The following COL25A1 variants were observed in gnomAD, a reference collection of about 807,000 sequenced individuals.
COL25A1 encodes collagen alpha-1(XXV) chain.
Under a neutral mutation model 128.4 loss-of-function variants are expected in COL25A1, and 103 were observed. The observed-to-expected ratio is 0.80, with a 90% confidence interval of 0.68 to 0.94. The LOEUF is 0.94. Among genes scored for constraint, COL25A1 ranks in the 40% least tolerant of loss-of-function variants. The pLI is 0.00. For synonymous variants in COL25A1, 279 were observed against 277.2 expected (o/e 1.01, Z -0.06); for missense variants, 745 against 840.0 (o/e 0.89, Z 1.40).
intron 3 of COL25A1, among the ~76,000 whole-genome samples, chr4:109,136,940 T>G (rs1232272858): frequency 1.3e-5 from 2 of 152,230 alleles, no homozygotes; most frequent in Non-Finnish European, 2.9e-5. Flanking sequence ...CACATGTTCT[T>G]TGAGCCGACA....
intron 3 of COL25A1, among the ~76,000 whole-genome samples, chr4:109,238,115 T>C (rs1176181400): frequency 6.6e-6 from 1 of 152,094 alleles, no homozygotes; most frequent in Non-Finnish European, 1.5e-5. Context: ...TATGTTGCTG[T>C]GAACGTGGGT....
At chr4:109,088,926 T>C (rs2126005374) in intron 3 of COL25A1, among the ~76,000 whole-genome samples, 1 of 152,330 alleles carries the variant, frequency 6.6e-6, no homozygotes, top group African/African-American at 2.4e-5. Flanking sequence ...TGTGGTACCC[T>C]CTTCTCTTAG....
At chr4:109,052,918 T>G (rs748123035) in intron 3 of COL25A1, among the ~76,000 whole-genome samples, 1 of 152,182 alleles carries the variant, frequency 6.6e-6, no homozygotes. Flanking sequence ...ATGAGCTGTA[T>G]GAACACATAC....
chr4:109,101,669 T>G (rs893322024), intron 3 of COL25A1, among the ~76,000 whole-genome samples: 2 of 152,222 alleles, frequency 1.3e-5, no homozygotes, highest in Non-Finnish European at 2.9e-5. Context: ...TGAACTCATC[T>G]ATTGCTTTTC....
At chr4:109,109,763 C>G (rs918286893) in intron 3 of COL25A1, among the ~76,000 whole-genome samples, 1 of 152,160 alleles carries the variant, frequency 6.6e-6, no homozygotes, top group Non-Finnish European at 1.5e-5. Context: ...GACTGGCTAT[C>G]TTGCTCCCTA....
intron 13 of COL25A1, among the ~76,000 whole-genome samples, chr4:108,914,142 T>TATGAAAAC: frequency 6.6e-6 from 1 of 152,294 alleles, no homozygotes; most frequent in African/African-American, 2.4e-5. Context: ...AAGTCCAAAT[T>TATGAAAAC]ATGAAAACAT....
intron 27 of COL25A1, among the ~76,000 whole-genome samples, chr4:108,846,982 T>G (rs1160690542): frequency 1.3e-5 from 2 of 150,140 alleles, no homozygotes; most frequent in African/African-American, 4.9e-5. Context: ...CTTGGCTCAC[T>G]GCAACCTCCG....
intron 6 of COL25A1, among the ~76,000 whole-genome samples, chr4:109,002,970 CAA>C (rs1755597940): frequency 6.6e-6 from 1 of 152,066 alleles, no homozygotes; most frequent in African/African-American, 2.4e-5. Context: ...TGATGTTCCC[CAA>C]CCTGTGTCCA....
chr4:108,824,584 C>G (rs546219462), intron 34 of COL25A1, among the ~76,000 whole-genome samples: 1 of 152,290 alleles, frequency 6.6e-6, no homozygotes, highest in South Asian at 2.1e-4. Flanking sequence ...ATCTACCAGA[C>G]AGCTGTTGTG....
intron 3 of COL25A1, among the ~76,000 whole-genome samples, chr4:109,268,900 C>T (rs1467380852): frequency 2.0e-5 from 3 of 152,210 alleles, no homozygotes; most frequent in South Asian, 2.1e-4. Flanking sequence ...TGTTACCATC[C>T]TTCCACCCAT....
intron 3 of COL25A1, among the ~76,000 whole-genome samples, chr4:109,158,164 G>A (rs192788883): frequency 6.8e-4 from 104 of 152,148 alleles, no homozygotes; most frequent in Admixed American, 3.6e-3. Context: ...CCAGCCTATG[G>A]AGAGTTATGA....
At chr4:109,152,040 C>T (rs2126103394) in intron 3 of COL25A1, among the ~76,000 whole-genome samples, 1 of 150,954 alleles carries the variant, frequency 6.6e-6, no homozygotes, top group East Asian at 1.9e-4. Flanking sequence ...AGTACAACTT[C>T]AATTCTTCAG....
At chr4:109,133,632 A>G (rs1438111682) in intron 3 of COL25A1, among the ~76,000 whole-genome samples, 1 of 152,206 alleles carries the variant, frequency 6.6e-6, no homozygotes, top group Non-Finnish European at 1.5e-5. Context: ...AATGTAAGAT[A>G]TATAGCAGCA....
chr4:108,890,214 A>G (rs886862775), intron 16 of COL25A1, among the ~76,000 whole-genome samples: 13 of 152,204 alleles, frequency 8.5e-5, no homozygotes, highest in African/African-American at 3.1e-4. Context: ...AGATGAAGTC[A>G]GAGGTTAATG....
intron 11 of COL25A1, among the ~76,000 whole-genome samples, chr4:108,935,356 G>C (rs1747276515): frequency 6.6e-6 from 1 of 152,136 alleles, no homozygotes; most frequent in African/African-American, 2.4e-5. Context: ...TAATGTCCTT[G>C]TTCTTGATCT....
rs1397878865 is a variant in COL25A1, at chr4:109,042,906, C to T, written c.420+5262G>A. Among the ~76,000 whole-genome samples the T allele has an allele frequency of 4.6e-5, 7 of 152,044 alleles. 1 individual carries two copies. The highest frequency in any genetic ancestry group is 8.8e-5 in the Non-Finnish European group (6 of 67,978). On this transcript the variant is annotated intron_variant, in intron 5 of 37. Coordinates refer to ENST00000399132, the MANE Select transcript of COL25A1 (RefSeq NM_198721.4). ...TGTAAGATCTACAAATAACTAACAG[C>T]TTAATATGAACCATACACGATGAGG...
chr4:108,959,391 A>C (rs1443231994), intron 8 of COL25A1, among the ~76,000 whole-genome samples: 1 of 152,122 alleles, frequency 6.6e-6, no homozygotes, highest in Non-Finnish European at 1.5e-5. Flanking sequence ...TGCAGCCTCT[A>C]ATCTGCTCCT....
chr4:109,084,001 T>C (rs576774678), intron 3 of COL25A1, among the ~76,000 whole-genome samples: 1 of 152,220 alleles, frequency 6.6e-6, no homozygotes, highest in Non-Finnish European at 1.5e-5. Flanking sequence ...CATTTTGTTT[T>C]GTTTTAAGAA....
chr4:108,941,378 G>A lies in COL25A1; in HGVS notation c.552C>T (p.Arg184=), dbSNP rs776498551. The change falls in exon 9 of 38, where the codon CGC becomes CGT. Residue 184 remains arginine, a synonymous_variant. Coordinates refer to ENST00000399132, the MANE Select transcript of COL25A1 (RefSeq NM_198721.4). ...FLSADQQLIK[R]RLIKGDQGQA... is the part of the protein sequence containing the mutation. ...GAATAAGCACTACCTTAATCAGGCG[G>A]CGTTTAATGAGCTGCTGATCAGCAG... 3.1e-6 allele frequency: 5 copies of A among 1,613,580 alleles called. No individual in the cohort carries two copies. The highest frequency in any genetic ancestry group is 4.2e-6 in the Non-Finnish European group (5 of 1,179,552).
Sources: allele counts gnomAD v4.1 joint callset (sites outside exome capture counted in the v4.1 genomes callset), GRCh38; gene constraint gnomAD v4.1.1; transcripts MANE v1.5; gene names NCBI Gene and HGNC (gene_info 2026-07-23, HGNC 2026-07-21).